The following KCNG3 variants were observed in gnomAD, a reference collection of about 807,000 sequenced individuals.
KCNG3 encodes the protein potassium voltage-gated channel modifier subfamily G member 3.
In KCNG3, 15 loss-of-function variants were observed where a neutral mutation model predicts 29.0. The ratio of observed to expected loss-of-function variants is 0.52; its 90% confidence interval spans 0.35 to 0.80. The LOEUF is 0.80. Ranked by LOEUF, KCNG3 falls within the 30% of genes least tolerant of loss-of-function variation. The pLI, the probability that KCNG3 is intolerant of heterozygous loss-of-function variation, is 0.01. For missense variants in KCNG3, 512 were observed against 605.7 expected, an observed-to-expected ratio of 0.85 and a Z score of 1.62; for synonymous variants, 322 against 248.9, an observed-to-expected ratio of 1.29 and a Z score of -2.76.
intron 1 of KCNG3, among the ~76,000 whole-genome samples, chr2:42,483,728 G>A (rs1009369252): frequency 9.2e-5 from 14 of 152,128 alleles, no homozygotes; most frequent in African/African-American, 3.1e-4. Context: ...TCCATGCAGT[G>A]GAATGCTATA....
intron 1 of KCNG3, among the ~76,000 whole-genome samples, chr2:42,451,171 C>T (rs1265979965): frequency 7.8e-6 from 1 of 128,020 alleles, no homozygotes; most frequent in Non-Finnish European, 1.6e-5. Context: ...TACCACTGCA[C>T]TCCAGCCTGG....
intron 1 of KCNG3, among the ~76,000 whole-genome samples, chr2:42,456,550 T>C (rs1372059235): frequency 6.6e-6 from 1 of 152,108 alleles, no homozygotes; most frequent in Non-Finnish European, 1.5e-5. Context: ...CCATTATTAT[T>C]ACTGCAAACC....
At chr2:42,430,137 CAGG>C in the KCNG3 span, among the ~76,000 whole-genome samples, 3 of 152,220 alleles carry the variant, frequency 2.0e-5, no homozygotes, top group East Asian at 1.9e-4. Context: ...GTGGCCAAGG[CAGG>C]CAGATCACTT....
At chr2:42,436,532 G>A in the KCNG3 span, among the ~76,000 whole-genome samples, 2 of 152,332 alleles carry the variant, frequency 1.3e-5, no homozygotes, top group South Asian at 4.1e-4. Flanking sequence ...GGTCAAGGTA[G>A]TCATGTACCC....
At chr2:42,404,509 G>C in the KCNG3 span, among the ~76,000 whole-genome samples, 3 of 152,140 alleles carry the variant, frequency 2.0e-5, no homozygotes, top group Non-Finnish European at 4.4e-5. Context: ...AGGCAGATTT[G>C]TGTGAGCTCA....
rs553605401 is a variant in KCNG3, at chr2:42,442,688, T to C, written c.*1246A>G. On this transcript the variant is annotated 3_prime_UTR_variant, in exon 2 of 2. Coordinates refer to ENST00000306078, the MANE Select transcript of KCNG3 (RefSeq NM_133329.6). ...TATACACTAACTTCTTTATGGTAAC[T>C]GGTTGAAAAAGCAAAATTCTAATTT... is the stretch of plus-strand genomic sequence containing the variant. The C allele has an allele frequency of 7.2e-5, 11 of 152,334 alleles. No homozygotes were observed. In the South Asian group the frequency reaches 2.3e-3, roughly 32 times the overall value. 9.4% of individuals were successfully genotyped at this position (152,334 alleles called of 1,614,324 possible).
the KCNG3 span, among the ~76,000 whole-genome samples, chr2:42,404,769 T>C: frequency 6.6e-6 from 1 of 152,006 alleles, no homozygotes; most frequent in Admixed American, 6.6e-5. Flanking sequence ...ATGCTGCCAC[T>C]GGGGGAGTAT....
rs529760719 is a variant in KCNG3, at chr2:42,480,307, T to C, written c.665+12530A>G. On this transcript the variant is annotated intron_variant, in intron 1 of 1. Coordinates refer to ENST00000306078, the MANE Select transcript of KCNG3 (RefSeq NM_133329.6). ...CACAGGTACTCTCATTATCCCCATC[T>C]TACAGACAAGCAAACTCAGCCTTAG... is the stretch of plus-strand genomic sequence containing the variant. Among the ~76,000 whole-genome samples, 8 of 152,290 alleles carry C rather than the reference T, an allele frequency of 5.3e-5. No individual in the cohort carries two copies. The South Asian group carries it at 1.7e-3, about 32-fold the overall frequency.
chr2:42,473,486 A>C (rs1183369129), intron 1 of KCNG3, among the ~76,000 whole-genome samples: 1 of 151,976 alleles, frequency 6.6e-6, no homozygotes, highest in East Asian at 1.9e-4. Context: ...AGTAGCTGGG[A>C]CTACAGGCAC....
intron 1 of KCNG3, among the ~76,000 whole-genome samples, chr2:42,446,971 T>G (rs1029351277): frequency 2.0e-5 from 3 of 150,912 alleles, no homozygotes; most frequent in African/African-American, 7.3e-5. Context: ...TGAGGCCTCC[T>G]CTCTACAAAA....
At chr2:42,404,164 AT>A in the KCNG3 span, among the ~76,000 whole-genome samples, 1 of 152,146 alleles carries the variant, frequency 6.6e-6, no homozygotes, top group Non-Finnish European at 1.5e-5. Flanking sequence ...TTATTAGTCT[AT>A]TCTGGTTTTC....
downstream of KCNG3, among the ~76,000 whole-genome samples, chr2:42,439,912 G>C (rs1219157842): frequency 6.6e-6 from 1 of 152,094 alleles, no homozygotes; most frequent in Admixed American, 6.6e-5. Flanking sequence ...CAAAGTGCTC[G>C]GATTACAGGC....
chr2:42,459,858 C>T (rs943489547), intron 1 of KCNG3, among the ~76,000 whole-genome samples: 14 of 151,950 alleles, frequency 9.2e-5, no homozygotes, highest in African/African-American at 3.4e-4. Context: ...CACCTGTAGT[C>T]CTAGCTACTC....
At chr2:42,396,413 T>G in the KCNG3 span, among the ~76,000 whole-genome samples, 1 of 152,262 alleles carries the variant, frequency 6.6e-6, no homozygotes, top group Non-Finnish European at 1.5e-5. Flanking sequence ...CATTGTCCTA[T>G]TTCTTCTGTT....
the KCNG3 span, among the ~76,000 whole-genome samples, chr2:42,398,758 C>T: frequency 7.9e-5 from 12 of 152,168 alleles, no homozygotes; most frequent in Non-Finnish European, 1.8e-4. Context: ...TTTGGGAACT[C>T]AGGGATAAGA....
At chr2:42,407,022 G>GT in the KCNG3 span, among the ~76,000 whole-genome samples, 4 of 151,812 alleles carry the variant, frequency 2.6e-5, no homozygotes, top group South Asian at 8.3e-4. Flanking sequence ...GTGGTCCACT[G>GT]TTAAAAAAAA....
downstream of KCNG3, among the ~76,000 whole-genome samples, chr2:42,437,939 C>CAAA (rs58250880): frequency 9.0e-4 from 67 of 74,814 alleles, 1 homozygote; most frequent in African/African-American, 2.9e-3. Context: ...ACTCTGTCTC[C>CAAA]AAAAAAAAAA....
intron 1 of KCNG3, among the ~76,000 whole-genome samples, chr2:42,488,023 T>C (rs543492210): frequency 1.3e-5 from 2 of 152,306 alleles, no homozygotes; most frequent in South Asian, 4.1e-4. Context: ...ATATATATAA[T>C]GTACTTACAA....
chr2:42,408,246 C>A, the KCNG3 span, among the ~76,000 whole-genome samples: 2 of 152,136 alleles, frequency 1.3e-5, no homozygotes, highest in African/African-American at 4.8e-5. Flanking sequence ...CGTAAGAGGG[C>A]GAGTCCCCGG....
Sources: allele counts gnomAD v4.1 joint callset (sites outside exome capture counted in the v4.1 genomes callset), GRCh38; gene constraint gnomAD v4.1.1; transcripts MANE v1.5; gene names NCBI Gene and HGNC (gene_info 2026-07-23, HGNC 2026-07-21).